The following RSPO2 variants were observed in gnomAD, a reference collection of about 807,000 sequenced individuals.
RSPO2 encodes R-spondin 2.
In RSPO2, 14 loss-of-function variants were observed where a neutral mutation model predicts 30.9. The observed-to-expected ratio is 0.45, with a 90% CI of 0.30 to 0.71. The LOEUF (loss-of-function observed/expected upper bound fraction) is 0.71, where lower values mean the gene tolerates loss of function less well. Ranked by LOEUF, RSPO2 falls within the 30% of genes least tolerant of loss-of-function variation. The pLI, the probability that RSPO2 is intolerant of heterozygous loss-of-function variation, is 0.08. For missense variants in RSPO2, 264 were observed against 301.9 expected, an observed-to-expected ratio of 0.87 and a Z score of 0.93; for synonymous variants, 107 against 96.4, an observed-to-expected ratio of 1.11 and a Z score of -0.64.
Position 107,989,013 on chromosome 8 carries a change from T to C in RSPO2, c.283+43A>G, listed in dbSNP as rs754165353. The C allele has an allele frequency of 7.3e-6, 11 of 1,503,602 alleles. No individual in the cohort carries two copies. In the African/African-American group the frequency reaches 1.6e-4, roughly 22 times the overall value. 93.1% of individuals were successfully genotyped at this position (1,503,602 alleles called of 1,614,324 possible). ...TCTTCAACTTAGCTCCTCTCCTAAG[T>C]TGCATATCCAGCAATACAGGATAGA... On this transcript the variant is annotated intron_variant, in intron 3 of 5. Transcript: ENST00000276659.
intron 5 of RSPO2, among the ~76,000 whole-genome samples, chr8:107,940,053 C>T (rs1406206731): frequency 1.3e-5 from 2 of 152,036 alleles, no homozygotes; most frequent in Admixed American, 6.6e-5. Flanking sequence ...TTTGATTTTG[C>T]TATTATACTA....
intron 2 of RSPO2, among the ~76,000 whole-genome samples, chr8:108,055,565 G>C (rs911934010): frequency 6.6e-6 from 1 of 152,174 alleles, no homozygotes; most frequent in African/African-American, 2.4e-5. Flanking sequence ...AATGGCAGCC[G>C]ACTTAGAAGA....
intron 5 of RSPO2, among the ~76,000 whole-genome samples, chr8:107,956,591 GA>G (rs1270451295): frequency 6.6e-6 from 1 of 152,140 alleles, no homozygotes; most frequent in African/African-American, 2.4e-5. Flanking sequence ...TCAAAATAAA[GA>G]GTTTTGGAGG....
chr8:107,943,384 AT>A lies in RSPO2; in HGVS notation c.616+14695del, dbSNP rs201580834. Among the ~76,000 whole-genome samples the A allele has an allele frequency of 4.7e-3, 711 of 152,336 alleles. 11 individuals are homozygous for A. The highest frequency in any genetic ancestry group is 0.036 in the East Asian group (186 of 5,184). ...CTGTATGGTTAAAAAAAACTTTGAAATATGGGTGTTTAAGAGGTCACCGCCC... is the reference window on the plus strand; with the variant it reads ...CTGTATGGTTAAAAAAAACTTTGAAAATGGGTGTTTAAGAGGTCACCGCCC... On this transcript the variant is annotated intron_variant, in intron 5 of 5. Coordinates refer to ENST00000276659, the MANE Select transcript of RSPO2 (RefSeq NM_178565.5).
intron 2 of RSPO2, among the ~76,000 whole-genome samples, chr8:108,017,839 T>C (rs1200239759): frequency 6.6e-6 from 1 of 152,196 alleles, no homozygotes; most frequent in Non-Finnish European, 1.5e-5. Context: ...TTCAATTACA[T>C]GGAACCTCCA....
chr8:107,977,967 G>A (rs991496479), intron 3 of RSPO2, among the ~76,000 whole-genome samples: 1 of 151,160 alleles, frequency 6.6e-6, no homozygotes, highest in African/African-American at 2.4e-5. Context: ...TCAGGTATCC[G>A]ACTCTCCAAT....
chr8:108,006,774 A>G lies in RSPO2; in HGVS notation c.95-17530T>C, dbSNP rs1026892042. On this transcript the variant is annotated intron_variant, in intron 2 of 5. Coordinates refer to ENST00000276659, the MANE Select transcript of RSPO2 (RefSeq NM_178565.5). ...CTGGTGTAAGTCACGAAGTCATATCAAAACTATCATTATTTAAAAAATAAT... is the reference window on the plus strand; with the variant it reads ...CTGGTGTAAGTCACGAAGTCATATCGAAACTATCATTATTTAAAAAATAAT... Among the ~76,000 whole-genome samples, 3 of 152,224 alleles carry G rather than the reference A, an allele frequency of 2.0e-5. No individual in the cohort carries two copies. The South Asian group carries it at 6.2e-4, about 32-fold the overall frequency.
At position 107,989,096 on chromosome 8, in the gene RSPO2, C is replaced by A; in HGVS notation, c.243G>T (p.Gly81=). The change falls in exon 3 of 6, where the codon GGG becomes GGT. Residue 81 remains glycine, a synonymous_variant. Transcript: ENST00000276659. The part of the protein sequence containing the change: ...YGECLHSCPS[G]YYGHRAPDMN... ...TATCTGGGGCTCGGTGTCCATAGTACCCGGATGGGCAGGAATGCAGGCACT... is the reference window on the plus strand; with the variant it reads ...TATCTGGGGCTCGGTGTCCATAGTAACCGGATGGGCAGGAATGCAGGCACT... 3 of 1,609,740 alleles carry A rather than the reference C, an allele frequency of 1.9e-6. No individual in the cohort carries two copies. The highest frequency in any genetic ancestry group is 2.7e-5 in the African/African-American group (2 of 74,736).
At chr8:108,044,895 AC>A (rs1255216387) in intron 2 of RSPO2, among the ~76,000 whole-genome samples, 2 of 151,970 alleles carry the variant, frequency 1.3e-5, no homozygotes, top group Non-Finnish European at 2.9e-5. Flanking sequence ...ATGAAACTGG[AC>A]CCCCTACCTT....
At chr8:108,070,266 A>C (rs1476555017) in intron 2 of RSPO2, among the ~76,000 whole-genome samples, 1 of 148,772 alleles carries the variant, frequency 6.7e-6, no homozygotes, top group Non-Finnish European at 1.5e-5. Flanking sequence ...GCAACACAGC[A>C]AGACCCCATC....
intron 2 of RSPO2, among the ~76,000 whole-genome samples, chr8:108,056,393 CAG>C (rs1812244458): frequency 6.6e-6 from 1 of 151,510 alleles, no homozygotes; most frequent in Non-Finnish European, 1.5e-5. Context: ...CCAAAGCAGG[CAG>C]ATCGCTTGAG....
At position 107,904,867 on chromosome 8, in the gene RSPO2, A is replaced by T. The variant is rs190833804; in HGVS notation, c.617-3677T>A. 1.6e-4 allele frequency among the ~76,000 whole-genome samples: 25 copies of T among 152,256 alleles called. No individual in the cohort carries two copies. In the East Asian group the frequency reaches 4.8e-3, roughly 29 times the overall value. Reference sequence around the variant, plus strand: ...TCAAAATGAACAAAATTAGAAAGATACTATCAAAGCCACATTCTAACTAAT... The same window carrying T: ...TCAAAATGAACAAAATTAGAAAGATTCTATCAAAGCCACATTCTAACTAAT... On this transcript the variant is annotated intron_variant, in intron 5 of 5. Transcript: ENST00000276659.
At chr8:107,962,620 G>A (rs1252275070) in intron 3 of RSPO2, among the ~76,000 whole-genome samples, 2 of 152,072 alleles carry the variant, frequency 1.3e-5, no homozygotes, top group Non-Finnish European at 2.9e-5. Flanking sequence ...TCCATAGCTG[G>A]TCAATAACCT....
intron 2 of RSPO2, among the ~76,000 whole-genome samples, chr8:108,024,341 C>T (rs984898829): frequency 1.3e-5 from 2 of 151,912 alleles, no homozygotes; most frequent in African/African-American, 4.8e-5. Flanking sequence ...GTGGTACTTC[C>T]ATGCAGTATA....
rs1489507758 is a variant in RSPO2 at position 107,899,952 on chromosome 8, G to A, written c.*1123C>T. The A allele has an allele frequency of 6.6e-6, 1 of 152,204 alleles. No homozygotes were observed. The highest frequency in any genetic ancestry group is 1.9e-4 in the East Asian group (1 of 5,194). 9.4% of individuals were successfully genotyped at this position (152,204 alleles called of 1,614,324 possible). On this transcript the variant is annotated 3_prime_UTR_variant, in exon 6 of 6. Coordinates refer to ENST00000276659, the MANE Select transcript of RSPO2 (RefSeq NM_178565.5). ...AAATTCTATGCCCAGGCTCATGGTA[G>A]TAGCTTCTTCAGTGACCCAAGAACA... is the stretch of plus-strand genomic sequence containing the variant.
chr8:108,017,710 T>C (rs992092828), intron 2 of RSPO2, among the ~76,000 whole-genome samples: 5 of 152,176 alleles, frequency 3.3e-5, no homozygotes, highest in African/African-American at 1.2e-4. Flanking sequence ...ACAACTTTGA[T>C]AAAAACAAAA....
At chr8:107,959,825 T>C (rs1469704075) in intron 4 of RSPO2, among the ~76,000 whole-genome samples, 1 of 152,322 alleles carries the variant, frequency 6.6e-6, no homozygotes, top group Non-Finnish European at 1.5e-5. Context: ...AAATGTCTTC[T>C]TTGCAAGCTC....
intron 5 of RSPO2, among the ~76,000 whole-genome samples, chr8:107,907,594 G>C (rs1271256554): frequency 1.3e-5 from 2 of 152,040 alleles, no homozygotes; most frequent in Admixed American, 6.6e-5. Flanking sequence ...TAACTTACAA[G>C]AGTTGTTCTT....
At chr8:107,939,647 AC>A (rs1179672010) in intron 5 of RSPO2, among the ~76,000 whole-genome samples, 1 of 151,934 alleles carries the variant, frequency 6.6e-6, no homozygotes, top group East Asian at 1.9e-4. Context: ...TGTATTACTG[AC>A]CCCCATAAAG....
Sources: gnomAD v4.1 joint callset for allele counts (sites outside exome capture counted in the v4.1 genomes callset) on GRCh38, gnomAD v4.1.1 for gene constraint, MANE v1.5 for transcripts, NCBI Gene and HGNC (gene_info 2026-07-23, HGNC 2026-07-21) for gene names.